PLCE1: variants seen among roughly 807,000 people sequenced by gnomAD.
The protein encoded by PLCE1 is 1-phosphatidylinositol 4,5-bisphosphate phosphodiesterase epsilon-1.
A neutral mutation model predicts 242.8 loss-of-function variants in PLCE1; 119 were observed. That is an observed-to-expected ratio of 0.49 (90% confidence interval 0.42 to 0.57). PLCE1 has a LOEUF of 0.57. PLCE1 is among the 20% of genes least tolerant of loss of function. The probability of loss-of-function intolerance (pLI) is 0.00; values close to 1 mark genes in which losing one functional copy is unlikely to be tolerated. For missense variants in PLCE1, 2,441 were observed against 2,788.8 expected, an observed-to-expected ratio of 0.88 and a Z score of 2.81; for synonymous variants, 945 against 1,017.4, an observed-to-expected ratio of 0.93 and a Z score of 1.35.
rs749988048 is a variant in PLCE1 at position 94,259,147 on chromosome 10, C to G, written c.3811C>G (p.Leu1271Val). Residue 1271 changes from leucine (L) to valine (V), a missense_variant, in exon 13 of 33, where the codon CTA (leucine) becomes GTA (valine). Physicochemically the swap from Leu to Val is conservative, Grantham distance 32. Transcript: ENST00000371380. ...DENTSDLQPD[L>V]DLLTRNVSDL... Reference sequence around the variant, plus strand: ...AAACACCAGCGATCTTCAGCCTGACCTAGGTTTGTTGAACATTTTAGGATT... The same window carrying G: ...AAACACCAGCGATCTTCAGCCTGACGTAGGTTTGTTGAACATTTTAGGATT... The G allele has an allele frequency of 1.2e-6, 2 of 1,614,126 alleles. No homozygotes were observed. Among genetic ancestry groups the G allele is most frequent in the Non-Finnish European group, 1.7e-6 (2 of 1,179,978 alleles).
At chr10:94,126,252 A>C (rs1001785303) in intron 2 of PLCE1, among the ~76,000 whole-genome samples, 31 of 152,210 alleles carry the variant, frequency 2.0e-4, no homozygotes, top group Admixed American at 2.0e-3. Context: ...AATCCCATGG[A>C]AGGATCCATT....
At position 94,269,013 on chromosome 10, in the gene PLCE1, C is replaced by T; in HGVS notation, c.4366C>T (p.Leu1456=). The change falls in exon 17 of 33, where the codon CTG becomes TTG. Residue 1456 remains leucine, a synonymous_variant. Transcript: ENST00000371380. ...GCCCATCATTTATCATGGACATACG[C>T]TGACAACCAAGATCCCCTTCAAGGT... ...GMPIIYHGHT[L]TTKIPFKEVV... is the part of the protein sequence containing the mutation. 4 of 1,601,676 alleles carry T rather than the reference C, an allele frequency of 2.5e-6. No homozygotes were observed. Among genetic ancestry groups the T allele is most frequent in the Non-Finnish European group, 3.4e-6 (4 of 1,169,264 alleles).
chr10:94,104,216 A>C (rs2135526452), intron 2 of PLCE1: 1 of 152,350 alleles, frequency 6.6e-6, no homozygotes, highest in South Asian at 2.1e-4. Context: ...AACAGTGTAC[A>C]AATAGTAACG....
intron 2 of PLCE1, among the ~76,000 whole-genome samples, chr10:94,061,589 A>G (rs7088218): frequency 0.38 from 57,396 of 151,972 alleles, 13,099 homozygotes; most frequent in African/African-American, 0.65. Context: ...GCTCATGCCT[A>G]TAGTCCCAGC....
At chr10:94,242,878 T>A (rs1306827238) in intron 7 of PLCE1, among the ~76,000 whole-genome samples, 1 of 152,136 alleles carries the variant, frequency 6.6e-6, no homozygotes, top group Non-Finnish European at 1.5e-5. Flanking sequence ...ATTCATGAGC[T>A]CATACTGATA....
At chr10:94,073,907 C>T (rs997306996) in intron 2 of PLCE1, among the ~76,000 whole-genome samples, 12 of 152,008 alleles carry the variant, frequency 7.9e-5, no homozygotes, top group South Asian at 4.1e-4. Flanking sequence ...GCACAGAAGG[C>T]GGGAAAACAG....
chr10:94,141,547 C>A (rs574764096), intron 3 of PLCE1, among the ~76,000 whole-genome samples: 1 of 118,066 alleles, frequency 8.5e-6, no homozygotes, highest in Non-Finnish European at 1.8e-5. Context: ...GAAGGGAAGG[C>A]TAAGGGAAGG....
chr10:94,155,474 G>T (rs149725639), intron 3 of PLCE1, among the ~76,000 whole-genome samples: 1 of 152,232 alleles, frequency 6.6e-6, no homozygotes, highest in East Asian at 1.9e-4. Context: ...TCAGGGCCTG[G>T]GTGAGAGGGA....
At chr10:94,184,084 T>C (rs2048393894) in intron 4 of PLCE1, among the ~76,000 whole-genome samples, 1 of 152,192 alleles carries the variant, frequency 6.6e-6, no homozygotes, top group South Asian at 2.1e-4. Flanking sequence ...GGCCTATTCC[T>C]TAGTATTTCA....
intron 2 of PLCE1, among the ~76,000 whole-genome samples, chr10:94,064,746 G>A (rs985745225): frequency 6.6e-6 from 1 of 152,088 alleles, no homozygotes; most frequent in Admixed American, 6.5e-5. Context: ...TACAGAACCT[G>A]GGTTGCATGA....
intron 3 of PLCE1, among the ~76,000 whole-genome samples, chr10:94,156,478 T>A (rs1450573801): frequency 6.6e-6 from 1 of 152,208 alleles, no homozygotes; most frequent in Non-Finnish European, 1.5e-5. Flanking sequence ...TGATAAAGGA[T>A]GCAAATGAAC....
intron 20 of PLCE1, among the ~76,000 whole-genome samples, chr10:94,281,682 G>T (rs2052230926): frequency 6.6e-6 from 1 of 152,120 alleles, no homozygotes; most frequent in South Asian, 2.1e-4. Context: ...GTTTGGTGAT[G>T]TTCTTCCTCT....
At chr10:93,994,593 G>GA (rs2134118159) in intron 1 of PLCE1, among the ~76,000 whole-genome samples, 1 of 152,372 alleles carries the variant, frequency 6.6e-6, no homozygotes, top group African/African-American at 2.4e-5. Context: ...GTATTTCAAG[G>GA]AAAGTGCTCA....
In PLCE1 at chr10:94,227,443, T is replaced by C. The variant is rs2049985563; in HGVS notation, c.1947T>C (p.Ala649=). 1 of 1,613,906 alleles carries C rather than the reference T, an allele frequency of 6.2e-7. No homozygotes were observed. Among genetic ancestry groups the C allele is most frequent in the Non-Finnish European group, 8.5e-7 (1 of 1,179,866 alleles). The change falls in exon 5 of 33, where the codon GCT becomes GCC. Residue 649 remains alanine (A), a synonymous_variant. Coordinates refer to ENST00000371380, the MANE Select transcript of PLCE1 (RefSeq NM_016341.4). The part of the protein sequence containing the change: ...GNYNAVMEFL[A]GLRSRKVLKM... ...ACAACGCTGTCATGGAGTTCTTGGC[T>C]GGCCTCAGGTATAGTCAGTGGGGAA...
rs140836714 is a variant in PLCE1, at chr10:94,103,597, T to C, written c.1207-28577T>C. On this transcript the variant is annotated intron_variant, in intron 2 of 32. Transcript: ENST00000371380. Reference sequence around the variant, plus strand: ...CAAACCACCATGGCACGTGTGTACCTATGTAAGAAAACTGCATGTTCTGCA... The same window carrying C: ...CAAACCACCATGGCACGTGTGTACCCATGTAAGAAAACTGCATGTTCTGCA... 8.5e-5 allele frequency among the ~76,000 whole-genome samples: 13 copies of C among 152,338 alleles called. No homozygotes were observed. In the East Asian group the frequency reaches 2.3e-3, roughly 27 times the overall value.
intron 23 of PLCE1, among the ~76,000 whole-genome samples, chr10:94,295,462 T>C (rs1455620490): frequency 6.6e-6 from 1 of 152,168 alleles, no homozygotes; most frequent in Non-Finnish European, 1.5e-5. Flanking sequence ...ATACTTCTAG[T>C]TCTCTTGCTG....
chr10:94,100,623 G>A (rs185021379), intron 2 of PLCE1: 99 of 152,254 alleles, frequency 6.5e-4, no homozygotes, highest in African/African-American at 2.3e-3. Context: ...GAGAAAGCAG[G>A]GAAGGTGATG....
intron 16 of PLCE1, 35 bp from the exon 17 acceptor site, chr10:94,268,894 C>G (rs1215748177): frequency 8.3e-7 from 1 of 1,211,364 alleles, no homozygotes; most frequent in African/African-American, 1.5e-5. Flanking sequence ...TCTCCAGGTG[C>G]TCACCTGGGG....
In PLCE1 at chr10:94,170,850, A is replaced by T. The variant is rs559079762; in HGVS notation, c.1493-330A>T. Reference sequence around the variant, plus strand: ...CATGTCATTCTGATGGTAGTTAGCAAAGGAGGATAAGGAAGCAAATGGTAT... The same window carrying T: ...CATGTCATTCTGATGGTAGTTAGCATAGGAGGATAAGGAAGCAAATGGTAT... On this transcript the variant is annotated intron_variant, in intron 3 of 32. Coordinates refer to ENST00000371380, the MANE Select transcript of PLCE1 (RefSeq NM_016341.4). 2.0e-5 allele frequency among the ~76,000 whole-genome samples: 3 copies of T among 152,264 alleles called. No individual in the cohort carries two copies. The South Asian group carries it at 6.2e-4, about 32-fold the overall frequency.
Sources: allele counts gnomAD v4.1 joint callset (sites outside exome capture counted in the v4.1 genomes callset), GRCh38; gene constraint gnomAD v4.1.1; transcripts MANE v1.5; gene names NCBI Gene and HGNC (gene_info 2026-07-23, HGNC 2026-07-21).